Variants in PKP4 observed in about 807,000 individuals in gnomAD.
PKP4 encodes the protein plakophilin 4, also known as plakophilin-4.
PKP4 carries 90 observed loss-of-function variants against 145.1 expected under a neutral mutation model. That is an observed-to-expected ratio of 0.62 (90% CI 0.52 to 0.74). The LOEUF is 0.74. Ranked by LOEUF, PKP4 falls within the 30% of genes least tolerant of loss-of-function variation. PKP4 has a pLI of 0.00. For missense variants in PKP4, 1,340 were observed against 1,482.7 expected (o/e 0.90, Z 1.58); for synonymous variants, 563 against 577.2 (o/e 0.98, Z 0.35).
chr2:158,545,513 T>G (rs1217855848), intron 2 of PKP4, among the ~76,000 whole-genome samples: 1 of 152,220 alleles, frequency 6.6e-6, no homozygotes, highest in Non-Finnish European at 1.5e-5. Context: ...TTAGGGAGTC[T>G]AAGCAGTTGC....
intron 2 of PKP4, among the ~76,000 whole-genome samples, chr2:158,561,079 G>A (rs1221297253): frequency 6.6e-6 from 1 of 152,094 alleles, no homozygotes. Context: ...AATAATCAAA[G>A]GCAGAATATT....
intron 7 of PKP4, among the ~76,000 whole-genome samples, chr2:158,630,419 G>A (rs934891653): frequency 6.6e-6 from 1 of 152,080 alleles, no homozygotes; most frequent in African/African-American, 2.4e-5. Flanking sequence ...TGGTATGTGA[G>A]TTCTTATAAA....
At chr2:158,518,948 A>T (rs2042133766) in intron 1 of PKP4, among the ~76,000 whole-genome samples, 1 of 152,130 alleles carries the variant, frequency 6.6e-6, no homozygotes, top group African/African-American at 2.4e-5. Context: ...CTTGGTCCAG[A>T]TGTAGCTTGT....
intron 2 of PKP4, chr2:158,548,709 AG>A (rs1325037460): frequency 4.5e-6 from 1 of 224,214 alleles, no homozygotes; most frequent in Non-Finnish European, 8.4e-6. Flanking sequence ...GCAGCTACTC[AG>A]CTGCTTAAGC....
intron 2 of PKP4, among the ~76,000 whole-genome samples, chr2:158,563,437 A>G (rs1322048072): frequency 6.6e-6 from 1 of 152,148 alleles, no homozygotes; most frequent in African/African-American, 2.4e-5. Flanking sequence ...ATTCTAGCAT[A>G]GATGTCTTTT....
chr2:158,625,477 G>T, intron 7 of PKP4, 50 bp downstream of exon 7: 1 of 1,427,844 alleles, frequency 7.0e-7, no homozygotes, highest in East Asian at 2.3e-5. Flanking sequence ...GAAATCTTCT[G>T]TGTAACTTAA....
chr2:158,579,714 A>G (rs1205857520), intron 3 of PKP4, among the ~76,000 whole-genome samples: 1 of 152,104 alleles, frequency 6.6e-6, no homozygotes, highest in African/African-American at 2.4e-5. Flanking sequence ...TTAAAATGAA[A>G]CTCTAGAGCA....
At chr2:158,458,473 T>G (rs1689228273) in intron 1 of PKP4, 1 of 152,382 alleles carries the variant, frequency 6.6e-6, no homozygotes, top group Admixed American at 6.5e-5. Flanking sequence ...AGGTTATTGA[T>G]CATTGCACAG....
At chr2:158,496,790 G>GTGTGTGTGTGTGTC (rs146738816) in intron 1 of PKP4, among the ~76,000 whole-genome samples, 3 of 149,954 alleles carry the variant, frequency 2.0e-5, no homozygotes, top group East Asian at 2.0e-4. Context: ...GTGTGTGTGT[G>GTGTGTGTGTGTGTC]TGTGTCTGTG....
intron 3 of PKP4, among the ~76,000 whole-genome samples, chr2:158,597,887 G>T (rs1053224420): frequency 1.8e-4 from 27 of 152,142 alleles, no homozygotes; most frequent in Admixed American, 1.8e-3. Flanking sequence ...GCTCACTGCA[G>T]CCTTGCTTGC....
intron 1 of PKP4, among the ~76,000 whole-genome samples, chr2:158,487,267 T>A (rs529101742): frequency 9.2e-5 from 14 of 152,086 alleles, no homozygotes; most frequent in Non-Finnish European, 1.0e-4. Context: ...AGCCTTTTTT[T>A]AAAAAAAAGC....
chr2:158,567,598 C>T (rs1455433386), intron 2 of PKP4, among the ~76,000 whole-genome samples: 1 of 152,196 alleles, frequency 6.6e-6, no homozygotes, highest in Non-Finnish European at 1.5e-5. Flanking sequence ...CCCTCACAGG[C>T]TGATTATGTG....
Position 158,673,652 on chromosome 2 carries a change from A to G in PKP4, c.2925-25A>G, listed in dbSNP as rs371683376. 171 of 1,562,284 alleles carry G rather than the reference A, an allele frequency of 1.1e-4. No homozygotes were observed. The African/African-American group carries it at 2.0e-3, about 18-fold the overall frequency. ...GGCTGAGGCTGTGTCACCCACATTC[A>G]TTAATATCCTTGCTCTCTACCTAGA... On this transcript the variant is annotated intron_variant, in intron 17 of 21. Coordinates refer to ENST00000389759, the MANE Select transcript of PKP4 (RefSeq NM_003628.6).
At chr2:158,509,947 CA>C (rs11404706) in intron 1 of PKP4, among the ~76,000 whole-genome samples, 98 of 134,128 alleles carry the variant, frequency 7.3e-4, no homozygotes, top group Admixed American at 1.0e-3. Context: ...AACTCCATCT[CA>C]AAAAAAAAAA....
chr2:158,508,535 TC>T (rs2041216710), intron 1 of PKP4, among the ~76,000 whole-genome samples: 1 of 152,200 alleles, frequency 6.6e-6, no homozygotes, highest in Admixed American at 6.5e-5. Context: ...ACCCAGCTGT[TC>T]CTAGAGTACT....
intron 2 of PKP4, among the ~76,000 whole-genome samples, chr2:158,570,352 C>T (rs958153713): frequency 1.3e-5 from 2 of 152,168 alleles, no homozygotes; most frequent in African/African-American, 4.8e-5. Flanking sequence ...ATAATTGACT[C>T]ATCTTTTTGA....
At chr2:158,480,229 T>G (rs1397892590) in intron 1 of PKP4, among the ~76,000 whole-genome samples, 1 of 152,174 alleles carries the variant, frequency 6.6e-6, no homozygotes, top group African/African-American at 2.4e-5. Context: ...AATTTATTTA[T>G]TTAGTTATTT....
chr2:158,614,533 C>A (rs1179184038), intron 4 of PKP4, among the ~76,000 whole-genome samples: 1 of 152,118 alleles, frequency 6.6e-6, no homozygotes, highest in Non-Finnish European at 1.5e-5. Flanking sequence ...GAACAAATTA[C>A]CTATATTATA....
At chr2:158,548,999 G>T in intron 2 of PKP4, 1 of 174,200 alleles carries the variant, frequency 5.7e-6, no homozygotes, top group Non-Finnish European at 1.2e-5. Flanking sequence ...AGCCTGGGAT[G>T]TCTGTGCATA....
Sources: allele counts gnomAD v4.1 joint callset (sites outside exome capture counted in the v4.1 genomes callset), GRCh38; gene constraint gnomAD v4.1.1; transcripts MANE v1.5; gene names NCBI Gene and HGNC (gene_info 2026-07-23, HGNC 2026-07-21).